The following LAMC3 variants were observed in gnomAD, a reference collection of about 807,000 sequenced individuals.
The protein encoded by LAMC3 is laminin subunit gamma-3.
LAMC3 carries 128 observed loss-of-function variants against 173.8 expected under a neutral mutation model. That is an observed-to-expected ratio of 0.74 (90% CI 0.64 to 0.85). The LOEUF is 0.85. Ranked by LOEUF, LAMC3 falls within the 40% of genes least tolerant of loss-of-function variation. LAMC3 has a pLI of 0.00. For synonymous variants in LAMC3, 897 were observed against 909.1 expected, an observed-to-expected ratio of 0.99 and a Z score of 0.24; for missense variants, 2,022 against 2,156.0, an observed-to-expected ratio of 0.94 and a Z score of 1.23.
At chr9:131,045,694 G>A (rs1399687259) in intron 8 of LAMC3, 34 bp downstream of exon 8, 2 of 1,612,610 alleles carry the variant, frequency 1.2e-6, no homozygotes, top group Non-Finnish European at 1.7e-6. Flanking sequence ...CCTCCCAAGG[G>A]TCTGCTCCCA....
In LAMC3 at chr9:131,009,277, C is replaced by T; in HGVS notation, c.63C>T (p.Gly21=). The change falls in exon 1 of 28, where the codon GGC becomes GGT. Residue 21 remains glycine (G), a synonymous_variant. Coordinates refer to ENST00000361069, the MANE Select transcript of LAMC3 (RefSeq NM_006059.4). The surrounding 1 kb of genome is among the most constrained non-coding windows in gnomAD (Gnocchi z 4.3). ...TGGCACCGCGGGCGGCCGGCGCGGGCATGGGCGCGTGCTATGACGGCGCAG... is the reference window on the plus strand; with the variant it reads ...TGGCACCGCGGGCGGCCGGCGCGGGTATGGGCGCGTGCTATGACGGCGCAG... ...ALLAPRAAGA[G]MGACYDGAGR... 7.3e-7 allele frequency: 1 copy of T among 1,370,894 alleles called. No individual in the cohort carries two copies. Among genetic ancestry groups the T allele is most frequent in the Non-Finnish European group, 9.4e-7 (1 of 1,067,046 alleles). The allele number at this position is 1,370,894 out of a possible 1,614,324, so 84.9% of individuals were successfully genotyped here. A position where few individuals can be genotyped will look rare whatever the true frequency, so the allele number is the denominator to read the frequency against.
intron 2 of LAMC3, 28 bp from the exon 3 acceptor site, chr9:131,032,017 T>G (rs1276704445): frequency 1.2e-6 from 2 of 1,614,102 alleles, no homozygotes; most frequent in Non-Finnish European, 1.7e-6. Context: ...AGGAACCTGC[T>G]GATGGCACCC....
rs768726105 is a variant in LAMC3 at position 131,052,938 on chromosome 9, C to T, written c.1912C>T (p.Arg638Cys). 1.1e-5 allele frequency: 18 copies of T among 1,613,450 alleles called. No homozygotes were observed. The highest frequency in any genetic ancestry group is 8.3e-5 in the Admixed American group (5 of 59,998). Residue 638 changes from arginine to cysteine, a missense_variant, in exon 11 of 28, where the codon CGC becomes TGC. Physicochemically the swap from Arg to Cys is radical, Grantham distance 180 (BLOSUM62 -3). Coordinates refer to ENST00000361069, the MANE Select transcript of LAMC3 (RefSeq NM_006059.4). ...LLANLTSLRLRVSPGPSPAGP... is the reference protein window; with the variant it reads ...LLANLTSLRLCVSPGPSPAGP... ...CGCCAACCTGACCAGCCTCCGCCTC[C>T]GCGTCAGTCCCGGCCCCAGCCCTGC...
At position 131,038,989 on chromosome 9, in the gene LAMC3, CAGG is replaced by C. The variant is rs753717845; in HGVS notation, c.1105_1107del (p.Glu369del). The C allele has an allele frequency of 7.4e-6, 12 of 1,613,718 alleles. No individual in the cohort carries two copies. Among genetic ancestry groups the C allele is most frequent in the Admixed American group, 5.0e-5 (3 of 60,014 alleles). On this transcript the variant is annotated inframe_deletion, in exon 5 of 28. Transcript: ENST00000361069. ...AGCTGGGCCACACTGTGAGCGCTGT[CAGG>C]AGAATTTCTATCACTGGGACCCGCG... is the stretch of plus-strand genomic sequence containing the variant.
At chr9:131,034,176 C>G (rs1004842564) in intron 3 of LAMC3, among the ~76,000 whole-genome samples, 2 of 152,326 alleles carry the variant, frequency 1.3e-5, no homozygotes, top group Non-Finnish European at 2.9e-5. Context: ...GTGGCCCCAA[C>G]AGCCTGTGTT....
intron 15 of LAMC3, 62 bp from the exon 16 acceptor site, chr9:131,068,846 C>G: frequency 6.3e-7 from 1 of 1,598,920 alleles, no homozygotes; most frequent in Non-Finnish European, 8.6e-7. Flanking sequence ...CTGCAGCCGG[C>G]AGAGGCTGGG....
At chr9:131,045,799 G>A (rs967758780) in intron 8 of LAMC3, 139 bp downstream of exon 8, 17 of 1,106,620 alleles carry the variant, frequency 1.5e-5, no homozygotes, top group African/African-American at 4.6e-5. Flanking sequence ...AGGTGGGGTC[G>A]GGGGTGAGAT....
At chr9:131,028,521 A>T (rs1227022480) in intron 2 of LAMC3, among the ~76,000 whole-genome samples, 1 of 152,204 alleles carries the variant, frequency 6.6e-6, no homozygotes, top group Non-Finnish European at 1.5e-5. Context: ...CAGCATGAGA[A>T]CACACGGAGC....
chr9:131,033,557 G>A (rs1187343275), intron 3 of LAMC3, among the ~76,000 whole-genome samples: 2 of 152,102 alleles, frequency 1.3e-5, no homozygotes, highest in African/African-American at 4.8e-5. Flanking sequence ...GGCCTGGGCG[G>A]GTTTAGCCTC....
rs748345725 is a variant in LAMC3 at position 131,091,869 on chromosome 9, CCATA to C, written c.*85_*88del. The C allele has an allele frequency of 1.5e-4, 232 of 1,525,280 alleles. No homozygotes were observed. Among genetic ancestry groups the C allele is most frequent in the Non-Finnish European group, 1.9e-4 (217 of 1,120,514 alleles). The allele number at this position is 1,525,280 out of a possible 1,614,324, so 94.5% of individuals were successfully genotyped here. On this transcript the variant is annotated 3_prime_UTR_variant, in exon 28 of 28. Transcript: ENST00000361069. ...GGTGCACACTACCCCACAGGTGTGC[CCATA>C]CAGACATTCCCCGGAGCCGGCTGCT...
chr9:131,012,048 A>AACAC (rs3837236), intron 1 of LAMC3, among the ~76,000 whole-genome samples: 13,427 of 138,144 alleles, frequency 0.097, 700 homozygotes, highest in Middle Eastern at 0.2. Flanking sequence ...GTAGAGAGCG[A>AACAC]ACACACACAC....
intron 8 of LAMC3, 38 bp downstream of exon 8, chr9:131,045,698 G>T: frequency 1.2e-6 from 2 of 1,611,906 alleles, no homozygotes; most frequent in South Asian, 2.2e-5. Flanking sequence ...CCAAGGGTCT[G>T]CTCCCAGCCT....
intron 21 of LAMC3, 55 bp downstream of exon 21, chr9:131,076,020 C>A: frequency 1.3e-6 from 2 of 1,525,392 alleles, no homozygotes; most frequent in South Asian, 2.4e-5. Context: ...CTGGAGCCAA[C>A]AGGGCCTAGC....
intron 7 of LAMC3, among the ~76,000 whole-genome samples, chr9:131,043,575 G>A (rs1834095134): frequency 6.6e-6 from 1 of 152,182 alleles, no homozygotes; most frequent in Non-Finnish European, 1.5e-5. Context: ...ATAAACGATA[G>A]TATTGGATTA....
At chr9:131,032,654 CTCTCTCTCA>C (rs1833862873) in intron 3 of LAMC3, among the ~76,000 whole-genome samples, 1 of 136,968 alleles carries the variant, frequency 7.3e-6, no homozygotes, top group African/African-American at 2.8e-5. Context: ...CTCTCACTCA[CTCTCTCTCA>C]CTCTCTCTCG....
At chr9:131,083,996 T>A (rs1830286280) in intron 24 of LAMC3, among the ~76,000 whole-genome samples, 1 of 146,758 alleles carries the variant, frequency 6.8e-6, no homozygotes. Context: ...TGCCTCAGCC[T>A]CCTGAGTAGC....
chr9:131,020,681 G>A (rs1424349289), intron 1 of LAMC3, among the ~76,000 whole-genome samples: 2 of 152,210 alleles, frequency 1.3e-5, no homozygotes, highest in Admixed American at 1.3e-4. Flanking sequence ...CAGACGAGGG[G>A]CTGAGAGAAT....
chr9:131,061,723 A>G (rs1365461652), intron 13 of LAMC3, among the ~76,000 whole-genome samples: 5 of 152,194 alleles, frequency 3.3e-5, no homozygotes, highest in Non-Finnish European at 5.9e-5. Flanking sequence ...TTATTGAGAT[A>G]CTATTCATAT....
chr9:131,060,116 C>G (rs1168554922), intron 12 of LAMC3, among the ~76,000 whole-genome samples: 1 of 152,148 alleles, frequency 6.6e-6, no homozygotes, highest in Non-Finnish European at 1.5e-5. Flanking sequence ...TCATCAGGAG[C>G]CAGAGGGCAG....
Sources: gnomAD v4.1 joint callset for allele counts (sites outside exome capture counted in the v4.1 genomes callset) on GRCh38, gnomAD v4.1.1 for gene constraint, Gnocchi (gnomAD v3.1) non-coding constraint, MANE v1.5 for transcripts, NCBI Gene and HGNC (gene_info 2026-07-23, HGNC 2026-07-21) for gene names.